Variants in CLSTN2 observed in about 807,000 individuals in gnomAD.
The protein encoded by CLSTN2 is calsyntenin 2.
CLSTN2 carries 48 observed loss-of-function variants against 101.2 expected under a neutral mutation model. The ratio of observed to expected loss-of-function variants is 0.47; its 90% CI spans 0.38 to 0.60. The LOEUF is 0.60. CLSTN2 is among the 20% of genes least tolerant of loss of function. CLSTN2 has a pLI of 0.00. For missense variants in CLSTN2, 1,160 were observed against 1,238.2 expected, an observed-to-expected ratio of 0.94 and a Z score of 0.95; for synonymous variants, 481 against 463.6, an observed-to-expected ratio of 1.04 and a Z score of -0.48.
intron 2 of CLSTN2, among the ~76,000 whole-genome samples, chr3:140,245,250 A>G (rs2086505954): frequency 1.3e-5 from 2 of 152,234 alleles, no homozygotes; most frequent in African/African-American, 2.4e-5. Context: ...AGGTCTGTGA[A>G]AAAGACAAAT....
In CLSTN2 at chr3:140,361,286, G is replaced by A. The variant is rs138229295; in HGVS notation, c.233-42343G>A. ...GTCATCTCAATTGCCATAGAAAAAGGATGCGAAGAAATTCAAGACCTACTC... is the reference window on the plus strand; with the variant it reads ...GTCATCTCAATTGCCATAGAAAAAGAATGCGAAGAAATTCAAGACCTACTC... On this transcript the variant is annotated intron_variant, in intron 2 of 16. Coordinates refer to ENST00000458420, the MANE Select transcript of CLSTN2 (RefSeq NM_022131.3). Among the ~76,000 whole-genome samples the A allele has an allele frequency of 2.6e-5, 4 of 152,238 alleles. No homozygotes were observed. In the East Asian group the frequency reaches 7.7e-4, roughly 29 times the overall value.
chr3:140,226,999 A>G (rs928252888), intron 2 of CLSTN2, among the ~76,000 whole-genome samples: 5 of 152,256 alleles, frequency 3.3e-5, no homozygotes, highest in Non-Finnish European at 4.4e-5. Context: ...TTGGGTGGGG[A>G]CACAACCAAA....
intron 2 of CLSTN2, among the ~76,000 whole-genome samples, chr3:140,286,411 C>A (rs1324793445): frequency 6.6e-6 from 1 of 152,052 alleles, no homozygotes; most frequent in Non-Finnish European, 1.5e-5. Flanking sequence ...AGGGAGGGGG[C>A]AGACAGGAGG....
chr3:139,978,464 G>T lies in CLSTN2; in HGVS notation c.109+42981G>T, dbSNP rs1935857862. ...AAGTACCCAGAGCATAAGAATGATA[G>T]AATCAAGATGATTATTAAGTTTGGA... On this transcript the variant is annotated intron_variant, in intron 1 of 16. Transcript: ENST00000458420. 2.0e-5 allele frequency among the ~76,000 whole-genome samples: 3 copies of T among 152,118 alleles called. 1 individual carries two copies. Among genetic ancestry groups the T allele is most frequent in the South Asian group, 4.1e-4 (2 of 4,830 alleles).
intron 2 of CLSTN2, among the ~76,000 whole-genome samples, chr3:140,380,119 G>A (rs9817897): frequency 0.12 from 17,904 of 152,220 alleles, 1,300 homozygotes; most frequent in East Asian, 0.21. Context: ...TCTCATGCCT[G>A]TTGAATGACC....
chr3:140,375,583 T>C (rs2087908548), intron 2 of CLSTN2, among the ~76,000 whole-genome samples: 1 of 152,248 alleles, frequency 6.6e-6, no homozygotes, highest in Non-Finnish European at 1.5e-5. Context: ...TTTTGTTTCT[T>C]GTATTTTAAT....
chr3:139,978,313 A>G (rs1417248152), intron 1 of CLSTN2, among the ~76,000 whole-genome samples: 1 of 152,166 alleles, frequency 6.6e-6, no homozygotes. Flanking sequence ...CTCTGGGGAT[A>G]ATGTCTTCTT....
At chr3:140,096,744 G>A (rs1194304195) in intron 1 of CLSTN2, among the ~76,000 whole-genome samples, 2 of 152,222 alleles carry the variant, frequency 1.3e-5, no homozygotes, top group African/African-American at 2.4e-5. Context: ...CTGATTCAGA[G>A]TTGATCTTAT....
intron 2 of CLSTN2, among the ~76,000 whole-genome samples, chr3:140,311,230 T>G (rs904068570): frequency 1.3e-5 from 2 of 149,180 alleles, no homozygotes; most frequent in African/African-American, 5.0e-5. Context: ...TTTGAACGAA[T>G]AGATGATGCA....
chr3:140,158,148 G>C (rs2009986589), intron 1 of CLSTN2, among the ~76,000 whole-genome samples: 1 of 152,184 alleles, frequency 6.6e-6, no homozygotes, highest in African/African-American at 2.4e-5. Flanking sequence ...ATTGGAACAA[G>C]CTAAGGATGC....
chr3:140,161,093 C>G (rs1462651147), intron 1 of CLSTN2, among the ~76,000 whole-genome samples: 1 of 152,060 alleles, frequency 6.6e-6, no homozygotes, highest in East Asian at 1.9e-4. Flanking sequence ...TCTCAGTTAG[C>G]AATTTTGGGA....
At chr3:140,011,389 C>T (rs2007070054) in intron 1 of CLSTN2, among the ~76,000 whole-genome samples, 1 of 152,248 alleles carries the variant, frequency 6.6e-6, no homozygotes, top group East Asian at 1.9e-4. Flanking sequence ...TCTTCCAGGA[C>T]ATGAAACCTT....
intron 2 of CLSTN2, among the ~76,000 whole-genome samples, chr3:140,376,851 T>C (rs932316236): frequency 1.3e-5 from 2 of 152,190 alleles, no homozygotes; most frequent in Non-Finnish European, 2.9e-5. Flanking sequence ...TCAGTTTGTC[T>C]TGATGAAGTC....
chr3:140,013,323 A>G (rs1205516822), intron 1 of CLSTN2, among the ~76,000 whole-genome samples: 1 of 152,226 alleles, frequency 6.6e-6, no homozygotes, highest in Non-Finnish European at 1.5e-5. Context: ...GCTGGGGGTG[A>G]AGTCTGCAGG....
intron 1 of CLSTN2, among the ~76,000 whole-genome samples, chr3:140,074,161 C>G (rs915876165): frequency 3.9e-5 from 6 of 152,102 alleles, no homozygotes; most frequent in African/African-American, 1.4e-4. Context: ...GCCATTTGAC[C>G]TTTGATTTTC....
Position 140,448,834 on chromosome 3 carries a change from G to A in CLSTN2, c.973+130G>A, listed in dbSNP as rs1933163426. On this transcript the variant is annotated intron_variant, in intron 6 of 16. Transcript: ENST00000458420. ...GCACTGATATGTGTAACTCCTGGATGGATTTTAAGTTTACTTATGGCAGAA... is the reference window on the plus strand; with the variant it reads ...GCACTGATATGTGTAACTCCTGGATAGATTTTAAGTTTACTTATGGCAGAA... The A allele has an allele frequency of 1.5e-5, 12 of 785,914 alleles. No individual in the cohort carries two copies. The East Asian group carries it at 3.4e-4, about 22-fold the overall frequency. The allele number at this position is 785,914 out of a possible 1,614,324, so 48.7% of individuals were successfully genotyped here.
intron 2 of CLSTN2, among the ~76,000 whole-genome samples, chr3:140,301,939 G>T (rs563454542): frequency 2.1e-4 from 32 of 151,960 alleles, no homozygotes; most frequent in Non-Finnish European, 3.7e-4. Flanking sequence ...TGCTATTAGG[G>T]TACACAGAAT....
chr3:140,562,692 TA>T (rs1295977262), intron 13 of CLSTN2, 118 bp from the exon 14 acceptor site: 1 of 1,082,624 alleles, frequency 9.2e-7, no homozygotes, highest in African/African-American at 1.6e-5. Context: ...CTTGAGCTCT[TA>T]CCCTCAACAA....
At chr3:140,235,948 G>T (rs1346065493) in intron 2 of CLSTN2, among the ~76,000 whole-genome samples, 1 of 152,162 alleles carries the variant, frequency 6.6e-6, no homozygotes, top group Non-Finnish European at 1.5e-5. Flanking sequence ...AAATAGGATG[G>T]TTTGTCATGG....
Sources: allele counts gnomAD v4.1 joint callset (sites outside exome capture counted in the v4.1 genomes callset), GRCh38; gene constraint gnomAD v4.1.1; transcripts MANE v1.5; gene names NCBI Gene and HGNC (gene_info 2026-07-23, HGNC 2026-07-21).